The following GBP4 variants were observed in gnomAD, a reference collection of about 807,000 sequenced individuals.
The protein encoded by GBP4 is guanylate-binding protein 4.
GBP4 carries 69 observed loss-of-function variants against 62.2 expected under a neutral mutation model. The ratio of observed to expected loss-of-function variants is 1.11; its 90% CI spans 0.91 to 1.36. The LOEUF (loss-of-function observed/expected upper bound fraction) is 1.36, where lower values mean the gene tolerates loss of function less well. Ranked by LOEUF, GBP4 falls within the 40% of genes most tolerant of loss-of-function variation. The pLI, the probability that GBP4 is intolerant of heterozygous loss-of-function variation, is 0.00. For missense variants in GBP4, 697 were observed against 759.3 expected, an observed-to-expected ratio of 0.92 and a Z score of 0.96; for synonymous variants, 278 against 274.6, an observed-to-expected ratio of 1.01 and a Z score of -0.12.
chr1:89,186,275 T>G, intron 10 of GBP4, 58 bp downstream of exon 10: 1 of 1,465,502 alleles, frequency 6.8e-7, no homozygotes, highest in South Asian at 1.3e-5. Context: ...TGGTCCTTCC[T>G]TTCCTAAAGA....
intron 7 of GBP4, 137 bp downstream of exon 7, chr1:89,189,901 G>A: frequency 2.7e-6 from 2 of 747,230 alleles, no homozygotes; most frequent in Non-Finnish European, 4.3e-6. Context: ...GTGACCTATA[G>A]CCCATAGAGC....
chr1:89,198,622 G>T lies in GBP4; in HGVS notation c.40+173C>A, dbSNP rs1225031829. 9.1e-6 allele frequency: 6 copies of T among 660,870 alleles called. No individual in the cohort carries two copies. In the Admixed American group the frequency reaches 1.3e-4, roughly 14 times the overall value. The allele number at this position is 660,870 out of a possible 1,614,324, so 40.9% of individuals were successfully genotyped here. Reference sequence around the variant, plus strand: ...GAGACGCTGGGCCACACGGAGCAAAGCACTCAGGGGTTCAAGCAGCATCAG... The same window carrying T: ...GAGACGCTGGGCCACACGGAGCAAATCACTCAGGGGTTCAAGCAGCATCAG... On this transcript the variant is annotated intron_variant, in intron 1 of 10. Coordinates refer to ENST00000355754, the MANE Select transcript of GBP4 (RefSeq NM_052941.5).
In GBP4 at chr1:89,187,090, G is replaced by A; in HGVS notation, c.1423C>T (p.Leu475Phe). Residue 475 changes from leucine (L) to phenylalanine (F), a missense_variant, in exon 9 of 11, where the codon CTC becomes TTC. Coordinates refer to ENST00000355754, the MANE Select transcript of GBP4 (RefSeq NM_052941.5). ...ACCTGTGACTGCAGGAAGTTCTGGA[G>A]GACCTCGTTTGCCTGAGGAACCAAG... ...PRKGVKANEV[L>F]QNFLQSQVVV... 1.2e-6 allele frequency: 2 copies of A among 1,614,074 alleles called. No individual in the cohort carries two copies. The highest frequency in any genetic ancestry group is 1.7e-6 in the Non-Finnish European group (2 of 1,179,968).
Position 89,181,693 on chromosome 1 carries a change from G to C in GBP4, c.*3561C>G, listed in dbSNP as rs1647885533. ...AGATCACTCTCACTAGCCAATATGAGACACAGTCAGTTTCCCTAACTCTGT... is the reference window on the plus strand; with the variant it reads ...AGATCACTCTCACTAGCCAATATGACACACAGTCAGTTTCCCTAACTCTGT... On this transcript the variant is annotated 3_prime_UTR_variant, in exon 11 of 11. Transcript: ENST00000355754. 6.6e-6 allele frequency: 1 copy of C among 152,062 alleles called. No individual in the cohort carries two copies. Among genetic ancestry groups the C allele is most frequent in the South Asian group, 2.1e-4 (1 of 4,814 alleles). The allele number at this position is 152,062 out of a possible 1,614,324, so 9.4% of individuals were successfully genotyped here. A position where few individuals can be genotyped will look rare whatever the true frequency, so the allele number is the denominator to read the frequency against.
chr1:89,194,639 A>G (rs1648275767), intron 3 of GBP4, among the ~76,000 whole-genome samples: 3 of 152,206 alleles, frequency 2.0e-5, no homozygotes, highest in African/African-American at 7.2e-5. Context: ...TAACACTTTA[A>G]GACAAAATAC....
chr1:89,189,891 G>A (rs1345966377), intron 7 of GBP4, 147 bp downstream of exon 7: 5 of 667,600 alleles, frequency 7.5e-6, no homozygotes, highest in Non-Finnish European at 1.2e-5. Flanking sequence ...TAGAAGAAGG[G>A]TGACCTATAG....
chr1:89,196,368 T>C (rs1204258277), intron 2 of GBP4, among the ~76,000 whole-genome samples: 3 of 152,176 alleles, frequency 2.0e-5, no homozygotes, highest in Non-Finnish European at 4.4e-5. Context: ...CAACCTAAAC[T>C]ATGTTTTAGA....
chr1:89,182,480 G>A lies in GBP4; in HGVS notation c.*2774C>T, dbSNP rs1392750550. On this transcript the variant is annotated 3_prime_UTR_variant, in exon 11 of 11. Coordinates refer to ENST00000355754, the MANE Select transcript of GBP4 (RefSeq NM_052941.5). The stretch of plus-strand genomic sequence containing the variant: ...AACATCGGTTTCTAAGTTATGAGTT[G>A]ATTTTTTTTTTTTTTTTTTGAGACG... 1 of 112,142 alleles carries A rather than the reference G, an allele frequency of 8.9e-6. No homozygotes were observed. Among genetic ancestry groups the A allele is most frequent in the Admixed American group, 1.0e-4 (1 of 9,672 alleles). 6.9% of individuals were successfully genotyped at this position (112,142 alleles called of 1,614,324 possible). A position where few individuals can be genotyped will look rare whatever the true frequency, so the allele number is the denominator to read the frequency against.
Position 89,195,279 on chromosome 1 carries a change from G to A in GBP4, c.363+18C>T, listed in dbSNP as rs766286633. On this transcript the variant is annotated intron_variant, in intron 3 of 10. Transcript: ENST00000355754. ...AGATGAGAGGTCAACCATGAGCGGT[G>A]AAGTTTCTCTGCCTTACCTTTTCTA... 3.3e-5 allele frequency: 53 copies of A among 1,612,808 alleles called. No homozygotes were observed. The highest frequency in any genetic ancestry group is 4.1e-5 in the Non-Finnish European group (48 of 1,179,240).
chr1:89,183,885 A>C lies in GBP4; in HGVS notation c.*1369T>G, dbSNP rs1046023670. ...TCAAAGTGAGACCCTGTTTCAAAAA[A>C]CAAAAACAAAACAAAATGAAACAAT... On this transcript the variant is annotated 3_prime_UTR_variant, in exon 11 of 11. Transcript: ENST00000355754. 3.3e-5 allele frequency: 5 copies of C among 152,242 alleles called. No individual in the cohort carries two copies. Among genetic ancestry groups the C allele is most frequent in the African/African-American group, 1.2e-4 (5 of 41,458 alleles). The allele number at this position is 152,242 out of a possible 1,614,324, so 9.4% of individuals were successfully genotyped here. A position where few individuals can be genotyped will look rare whatever the true frequency, so the allele number is the denominator to read the frequency against.
chr1:89,194,999 C>G (rs1648291638), intron 3 of GBP4, among the ~76,000 whole-genome samples: 1 of 152,182 alleles, frequency 6.6e-6, no homozygotes, highest in Admixed American at 6.5e-5. Flanking sequence ...CAACTAGGCT[C>G]TTGGCCTTTA....
chr1:89,195,998 T>C (rs1648327859), intron 2 of GBP4, among the ~76,000 whole-genome samples: 1 of 152,194 alleles, frequency 6.6e-6, no homozygotes, highest in African/African-American at 2.4e-5. Flanking sequence ...AGCATGTAAA[T>C]TGCATTTGAA....
rs768528987 is a variant in GBP4, at chr1:89,188,536, C to T, written c.1410+46G>A. On this transcript the variant is annotated intron_variant, in intron 8 of 10. Transcript: ENST00000355754. ...ATTTTCAGAAGGGGCAACAAAAACC[C>T]TCTGACTATCCTCTGTTATCCATCC... 3.4e-6 allele frequency: 5 copies of T among 1,492,510 alleles called. No individual in the cohort carries two copies. The Admixed American group carries it at 8.4e-5, about 25-fold the overall frequency. The allele number at this position is 1,492,510 out of a possible 1,614,324, so 92.5% of individuals were successfully genotyped here. A position where few individuals can be genotyped will look rare whatever the true frequency, so the allele number is the denominator to read the frequency against.
At position 89,188,596 on chromosome 1, in the gene GBP4, T is replaced by A. The variant is rs1473358282; in HGVS notation, c.1396A>T (p.Arg466Ter). 2.5e-6 allele frequency: 4 copies of A among 1,613,474 alleles called. No homozygotes were observed. The highest frequency in any genetic ancestry group is 2.7e-5 in the African/African-American group (2 of 74,942). Reference protein sequence around the residue: ...QVEWDYKLVPRKGVKANEVLQ... With the variant: ...QVEWDYKLVP ...CTTTTCCTCACCTTAACTCCTTTTCTGGGCACTAGCTTATAGTCCCACTCA... is the reference window on the plus strand; with the variant it reads ...CTTTTCCTCACCTTAACTCCTTTTCAGGGCACTAGCTTATAGTCCCACTCA... The change falls in exon 8 of 11, where the codon AGA becomes TGA. Residue 466 changes from arginine (R) to a stop codon, truncating the protein, a stop_gained. Coordinates refer to ENST00000355754, the MANE Select transcript of GBP4 (RefSeq NM_052941.5). LOFTEE classifies it high-confidence loss of function.
At chr1:89,198,057 G>A (rs1216936627) in intron 1 of GBP4, among the ~76,000 whole-genome samples, 1 of 152,054 alleles carries the variant, frequency 6.6e-6, no homozygotes, top group African/African-American at 2.4e-5. Context: ...TCCTACAGAA[G>A]TAAAGTAGGC....
rs543836934 is a variant in GBP4 at position 89,188,567 on chromosome 1, T to G, written c.1410+15A>C. On this transcript the variant is annotated intron_variant, in intron 8 of 10. Transcript: ENST00000355754. ...CTATCCTCTGTTATCCATCCCCCAT[T>G]CCCCTTTTCCTCACCTTAACTCCTT... The G allele has an allele frequency of 3.2e-5, 52 of 1,600,814 alleles. No homozygotes were observed. The South Asian group carries it at 5.1e-4, about 16-fold the overall frequency.
rs1648420119 is a variant in GBP4 at position 89,198,939 on chromosome 1, A to G, written c.-105T>C. On this transcript the variant is annotated 5_prime_UTR_variant, in exon 1 of 11. Coordinates refer to ENST00000355754, the MANE Select transcript of GBP4 (RefSeq NM_052941.5). ...CCAAGTAAGAGTCTGTGAGAACCGA[A>G]ATTGAAAGGACATGCACTTTGTGGG... 9.8e-7 allele frequency: 1 copy of G among 1,016,782 alleles called. No individual in the cohort carries two copies. Among genetic ancestry groups the G allele is most frequent in the Non-Finnish European group, 1.6e-6 (1 of 636,842 alleles). 63.0% of individuals were successfully genotyped at this position (1,016,782 alleles called of 1,614,324 possible).
In GBP4 at chr1:89,197,095, T is replaced by C; in HGVS notation, c.235+15A>G. ...GGTTCCAAGTAAATGGCTCCTGTCC[T>C]AGGACCACACTCACCATTGCGCTTT... On this transcript the variant is annotated intron_variant, in intron 2 of 10. Transcript: ENST00000355754. The C allele has an allele frequency of 6.2e-7, 1 of 1,602,394 alleles. No individual in the cohort carries two copies. The highest frequency in any genetic ancestry group is 2.2e-5 in the East Asian group (1 of 44,724).
At chr1:89,198,224 G>A (rs1408224452) in intron 1 of GBP4, among the ~76,000 whole-genome samples, 1 of 152,014 alleles carries the variant, frequency 6.6e-6, no homozygotes, top group Non-Finnish European at 1.5e-5. Context: ...GAATTCCTGG[G>A]AACTGCGGGT....
Sources: allele counts gnomAD v4.1 joint callset (sites outside exome capture counted in the v4.1 genomes callset), GRCh38; gene constraint gnomAD v4.1.1; transcripts MANE v1.5; gene names NCBI Gene and HGNC (gene_info 2026-07-23, HGNC 2026-07-21).